The following PRSS38 variants were observed in gnomAD, a reference collection of about 807,000 sequenced individuals.
The protein encoded by PRSS38 is serine protease 38.
A neutral mutation model predicts 26.8 loss-of-function variants in PRSS38; 22 were observed. The observed-to-expected ratio is 0.82, with a 90% CI of 0.59 to 1.17. The LOEUF is 1.17. PRSS38 is among the 50% of genes most tolerant of loss of function. The pLI is 0.00. For missense variants in PRSS38, 427 were observed against 422.7 expected (o/e 1.01, Z -0.09); for synonymous variants, 175 against 172.1 (o/e 1.02, Z -0.13).
Position 227,824,226 on chromosome 1 carries a change from T to G in PRSS38, c.583+6746T>G, listed in dbSNP as rs538713065. Among the ~76,000 whole-genome samples, 3 of 152,054 alleles carry G rather than the reference T, an allele frequency of 2.0e-5. No individual in the cohort carries two copies. The East Asian group carries it at 5.8e-4, about 29-fold the overall frequency. On this transcript the variant is annotated intron_variant, in intron 3 of 4. Coordinates refer to ENST00000366757, the Ensembl canonical transcript of PRSS38. Reference sequence around the variant, plus strand: ...CTTCCTAATGCTTTCCCTCCCTCTATCCCCCCAAACAGGCCCCAGTGTGTG... The same window carrying G: ...CTTCCTAATGCTTTCCCTCCCTCTAGCCCCCCAAACAGGCCCCAGTGTGTG...
At chr1:227,846,235 C>T (rs1665429352) in exon 5 of PRSS38, 2 of 1,600,234 alleles carry the variant, frequency 1.2e-6, no homozygotes, top group Non-Finnish European at 8.5e-7. Context: ...CTAGGATTCT[C>T]ATGGCTGCAC....
chr1:227,834,664 G>T (rs1320237732), intron 3 of PRSS38, among the ~76,000 whole-genome samples: 5 of 30,594 alleles, frequency 1.6e-4, no homozygotes, highest in African/African-American at 1.2e-3. Context: ...GCAAGACTCT[G>T]TTTCAAAAAA....
intron 3 of PRSS38, among the ~76,000 whole-genome samples, chr1:227,822,056 C>A (rs1406572775): frequency 6.6e-6 from 1 of 152,002 alleles, no homozygotes; most frequent in African/African-American, 2.4e-5. Context: ...ATTTTATAAT[C>A]TGAATTGTCC....
intron 3 of PRSS38, among the ~76,000 whole-genome samples, chr1:227,835,446 A>G (rs189705642): frequency 3.9e-4 from 60 of 152,278 alleles, no homozygotes; most frequent in Admixed American, 3.6e-3. Context: ...CCCAATTACC[A>G]CACATAACAA....
chr1:227,840,830 C>T (rs939659477), intron 3 of PRSS38, among the ~76,000 whole-genome samples: 1 of 152,192 alleles, frequency 6.6e-6, no homozygotes, highest in South Asian at 2.1e-4. Context: ...GTTCATTAAA[C>T]ATATTTTATA....
intron 3 of PRSS38, among the ~76,000 whole-genome samples, chr1:227,844,576 C>T (rs1356471937): frequency 7.0e-6 from 1 of 142,724 alleles, no homozygotes; most frequent in Admixed American, 6.7e-5. Flanking sequence ...GGTCAAAACT[C>T]CTCCCTATGT....
intron 3 of PRSS38, among the ~76,000 whole-genome samples, chr1:227,824,715 C>T (rs1665047255): frequency 6.6e-6 from 1 of 152,168 alleles, no homozygotes; most frequent in African/African-American, 2.4e-5. Context: ...TTTGTTCTTA[C>T]AACCTCACCA....
chr1:227,830,494 G>A (rs901215279), intron 3 of PRSS38, among the ~76,000 whole-genome samples: 18 of 145,452 alleles, frequency 1.2e-4, no homozygotes, highest in Non-Finnish European at 2.1e-4. Context: ...TTAGTTTAAG[G>A]TGTCTACTTT....
At chr1:227,830,682 T>A (rs750377702) in intron 3 of PRSS38, among the ~76,000 whole-genome samples, 17 of 151,326 alleles carry the variant, frequency 1.1e-4, no homozygotes, top group Non-Finnish European at 2.2e-4. Context: ...TATTATTATT[T>A]TTAGTAGGGA....
intron 3 of PRSS38, among the ~76,000 whole-genome samples, chr1:227,831,553 A>G (rs887660000): frequency 4.6e-5 from 7 of 152,128 alleles, no homozygotes; most frequent in Non-Finnish European, 8.8e-5. Flanking sequence ...TAAGTCTTCT[A>G]TATCCTTATT....
intron 3 of PRSS38, among the ~76,000 whole-genome samples, chr1:227,832,808 C>T (rs939697360): frequency 2.6e-5 from 4 of 152,282 alleles, no homozygotes; most frequent in Admixed American, 6.5e-5. Context: ...AATCAAACTA[C>T]GGATAATTTT....
At chr1:227,840,182 G>A (rs750317541) in intron 3 of PRSS38, among the ~76,000 whole-genome samples, 5 of 152,030 alleles carry the variant, frequency 3.3e-5, no homozygotes, top group Admixed American at 1.3e-4. Context: ...AGTGCAGTGC[G>A]GTGATCATAG....
At chr1:227,827,065 C>T (rs1179296446) in intron 3 of PRSS38, among the ~76,000 whole-genome samples, 1 of 152,120 alleles carries the variant, frequency 6.6e-6, no homozygotes. Context: ...TGATGTGCTG[C>T]TGGATTCGGT....
intron 3 of PRSS38, among the ~76,000 whole-genome samples, chr1:227,825,991 T>C (rs947357699): frequency 6.6e-6 from 1 of 152,230 alleles, no homozygotes; most frequent in African/African-American, 2.4e-5. Context: ...ATTTTCACAA[T>C]ATTGATTCTT....
At chr1:227,841,780 A>G (rs1017255753) in intron 3 of PRSS38, among the ~76,000 whole-genome samples, 18 of 152,210 alleles carry the variant, frequency 1.2e-4, no homozygotes, top group African/African-American at 4.1e-4. Context: ...AAATGTGTGC[A>G]TCCTCCTCCT....
chr1:227,845,612 G>C (rs766555364), exon 4 of PRSS38: 1 of 1,612,814 alleles, frequency 6.2e-7, no homozygotes. Flanking sequence ...CCGTGTGTGA[G>C]GTGTGCCCCT....
chr1:227,817,088 A>G (rs1050547189), intron 2 of PRSS38, 121 bp from the exon 3 acceptor site: 1 of 1,051,798 alleles, frequency 9.5e-7, no homozygotes, highest in African/African-American at 1.6e-5. Flanking sequence ...ATGCTGCAGG[A>G]AGAAACTGGC....
chr1:227,824,805 A>G (rs113852128), intron 3 of PRSS38, among the ~76,000 whole-genome samples: 2 of 151,970 alleles, frequency 1.3e-5, no homozygotes, highest in Non-Finnish European at 2.9e-5. Flanking sequence ...TTTGACTTGC[A>G]TTTCTCTAAT....
intron 3 of PRSS38, among the ~76,000 whole-genome samples, chr1:227,831,624 C>T (rs1665154955): frequency 6.6e-6 from 1 of 152,090 alleles, no homozygotes; most frequent in South Asian, 2.1e-4. Context: ...CCTGTAATCC[C>T]AACACTCCAC....
Sources: allele counts gnomAD v4.1 joint callset (sites outside exome capture counted in the v4.1 genomes callset), GRCh38; gene constraint gnomAD v4.1.1; transcripts MANE v1.5; gene names NCBI Gene and HGNC (gene_info 2026-07-23, HGNC 2026-07-21).